ACVR1B: variants seen among roughly 807,000 people sequenced by gnomAD.
ACVR1B encodes the protein activin receptor type-1B.
Under a neutral mutation model 55.6 loss-of-function variants are expected in ACVR1B, and 15 were observed. That is an observed-to-expected ratio of 0.27 (90% CI 0.18 to 0.42). The LOEUF (loss-of-function observed/expected upper bound fraction) is 0.42. ACVR1B is among the 10% of genes least tolerant of loss of function. ACVR1B has a pLI of 1.00. For synonymous variants in ACVR1B, 247 were observed against 254.6 expected (o/e 0.97, Z 0.28); for missense variants, 359 against 670.1 (o/e 0.54, Z 5.13).
intron 1 of ACVR1B, among the ~76,000 whole-genome samples, chr12:51,961,765 C>A (rs929800722): frequency 5.3e-5 from 8 of 152,210 alleles, no homozygotes. Flanking sequence ...TCAGACTCAA[C>A]AAAGAAAACA....
intron 3 of ACVR1B, among the ~76,000 whole-genome samples, chr12:51,977,784 T>A (rs968175598): frequency 1.1e-5 from 1 of 90,192 alleles, no homozygotes; most frequent in Middle Eastern, 6.6e-3. Flanking sequence ...AGCCTGGCAA[T>A]TTTTTTTTTT....
chr12:51,988,144 A>G (rs1029533076), intron 7 of ACVR1B, among the ~76,000 whole-genome samples: 2 of 152,218 alleles, frequency 1.3e-5, no homozygotes, highest in African/African-American at 2.4e-5. Flanking sequence ...ATGGAATTGT[A>G]CCTCTTAAAT....
intron 8 of ACVR1B, among the ~76,000 whole-genome samples, chr12:51,992,762 G>T (rs1942218391): frequency 6.6e-6 from 1 of 152,174 alleles, no homozygotes; most frequent in Non-Finnish European, 1.5e-5. Flanking sequence ...TGACAGGGCT[G>T]GGATTGGGAT....
At chr12:51,967,183 T>C (rs1234364234) in intron 1 of ACVR1B, among the ~76,000 whole-genome samples, 5 of 151,514 alleles carry the variant, frequency 3.3e-5, no homozygotes, top group Admixed American at 3.3e-4. Context: ...GAGTTTGCAG[T>C]GAGCAGAGAT....
intron 1 of ACVR1B, among the ~76,000 whole-genome samples, chr12:51,971,822 C>G (rs1273122613): frequency 6.6e-6 from 1 of 152,188 alleles, no homozygotes; most frequent in Non-Finnish European, 1.5e-5. Flanking sequence ...AAACTAGATT[C>G]AAACATAGCT....
chr12:51,986,166 C>A (rs1340897758), intron 6 of ACVR1B, among the ~76,000 whole-genome samples: 1 of 152,226 alleles, frequency 6.6e-6, no homozygotes, highest in African/African-American at 2.4e-5. Context: ...CTGGTGTCAA[C>A]CAAATATTAG....
intron 1 of ACVR1B, chr12:51,953,638 T>A: frequency 4.5e-6 from 3 of 665,850 alleles, no homozygotes; most frequent in Non-Finnish European, 3.7e-6. Flanking sequence ...GTTTGTCATT[T>A]TATGTGTGTA....
At position 51,995,359 on chromosome 12, in the gene ACVR1B, G is replaced by C. The variant is rs1482306460; in HGVS notation, c.*1249G>C. The C allele has an allele frequency of 6.6e-6, 1 of 152,258 alleles. No individual in the cohort carries two copies. The highest frequency in any genetic ancestry group is 2.4e-5 in the African/African-American group (1 of 41,430). The allele number at this position is 152,258 out of a possible 1,614,324, so 9.4% of individuals were successfully genotyped here. On this transcript the variant is annotated 3_prime_UTR_variant, in exon 9 of 9. Coordinates refer to ENST00000257963, the MANE Select transcript of ACVR1B (RefSeq NM_004302.5). ...TGGGTCTTCTTTTACTGGACTGTCT[G>C]ATCAGGGTGGAGGGAAGGTGAGAGG... is the stretch of plus-strand genomic sequence containing the variant.
intron 1 of ACVR1B, among the ~76,000 whole-genome samples, chr12:51,968,542 C>G (rs1004053937): frequency 6.6e-6 from 1 of 152,226 alleles, no homozygotes; most frequent in African/African-American, 2.4e-5. Context: ...GACACTCTTT[C>G]CAATAGGCAG....
intron 1 of ACVR1B, among the ~76,000 whole-genome samples, chr12:51,959,810 T>G (rs1257057916): frequency 6.6e-6 from 1 of 152,142 alleles, no homozygotes; most frequent in Non-Finnish European, 1.5e-5. Flanking sequence ...TTTCTAGATA[T>G]TTGTGAGTGG....
intron 1 of ACVR1B, among the ~76,000 whole-genome samples, chr12:51,972,673 C>T (rs1941769222): frequency 6.6e-6 from 1 of 152,224 alleles, no homozygotes; most frequent in Admixed American, 6.5e-5. Context: ...TTGAGCCTTT[C>T]TGACCTGTCC....
At chr12:51,977,539 C>G (rs976211914) in intron 3 of ACVR1B, among the ~76,000 whole-genome samples, 1 of 151,618 alleles carries the variant, frequency 6.6e-6, no homozygotes, top group Non-Finnish European at 1.5e-5. Context: ...TCAAGTGATC[C>G]GCCTGCCTCG....
chr12:51,983,872 A>C (rs1422263676), intron 4 of ACVR1B, 127 bp from the exon 5 acceptor site: 4 of 911,676 alleles, frequency 4.4e-6, no homozygotes, highest in Non-Finnish European at 6.8e-6. Context: ...TTCAGGGGGC[A>C]TGGAGGTGGG....
intron 6 of ACVR1B, among the ~76,000 whole-genome samples, chr12:51,985,695 A>G (rs1047480437): frequency 6.6e-6 from 1 of 152,222 alleles, no homozygotes; most frequent in African/African-American, 2.4e-5. Flanking sequence ...TCTCCTGTGC[A>G]GAGAGCTGTG....
intron 3 of ACVR1B, 134 bp from the exon 4 acceptor site, chr12:51,980,835 G>T: frequency 1.4e-6 from 1 of 705,866 alleles, no homozygotes; most frequent in East Asian, 2.8e-5. Flanking sequence ...GGCAGCAGCA[G>T]CTCTCCATGG....
intron 1 of ACVR1B, 39 bp from the exon 2 acceptor site, chr12:51,975,226 C>A: frequency 6.3e-7 from 1 of 1,588,588 alleles, no homozygotes; most frequent in South Asian, 1.1e-5. Context: ...CAAAAGATCT[C>A]ACCATTGATG....
chr12:51,973,777 G>A (rs538966591), intron 1 of ACVR1B, among the ~76,000 whole-genome samples: 1 of 152,168 alleles, frequency 6.6e-6, no homozygotes, highest in East Asian at 1.9e-4. Context: ...CTGATGAAAC[G>A]TGAAAAAATA....
chr12:51,974,372 TGAA>T (rs755513303), intron 1 of ACVR1B, among the ~76,000 whole-genome samples: 1 of 152,236 alleles, frequency 6.6e-6, no homozygotes, highest in Admixed American at 6.5e-5. Flanking sequence ...CCAGGGCTGC[TGAA>T]GAGGCTTTCA....
At chr12:51,993,732 A>C (rs1476373991) in intron 8 of ACVR1B, among the ~76,000 whole-genome samples, 1 of 127,474 alleles carries the variant, frequency 7.8e-6, no homozygotes, top group Non-Finnish European at 1.6e-5. Flanking sequence ...GCGCCACTGC[A>C]CTCCAGCCTG....
Sources: allele counts gnomAD v4.1 joint callset (sites outside exome capture counted in the v4.1 genomes callset), GRCh38; gene constraint gnomAD v4.1.1; transcripts MANE v1.5; gene names NCBI Gene and HGNC (gene_info 2026-07-23, HGNC 2026-07-21).